GAB3: variants seen among roughly 807,000 people sequenced by gnomAD.
The protein encoded by GAB3 is GRB2 associated binding protein 3.
In GAB3, 12 loss-of-function variants were observed where a neutral mutation model predicts 40.4. The ratio of observed to expected loss-of-function variants is 0.30; its 90% confidence interval spans 0.19 to 0.48. The LOEUF is 0.48. Among genes scored for constraint, GAB3 ranks in the 20% least tolerant of loss-of-function variants. The pLI, the probability that GAB3 is intolerant of heterozygous loss-of-function variation, is 0.99. For synonymous variants in GAB3, 154 were observed against 176.7 expected, an observed-to-expected ratio of 0.87 and a Z score of 1.02; for missense variants, 381 against 461.9, an observed-to-expected ratio of 0.82 and a Z score of 1.61.
chrX:154,712,366 C>T lies in GAB3; in HGVS notation c.932G>A (p.Arg311His). The T allele has an allele frequency of 8.3e-7, 1 of 1,210,955 alleles. No homozygotes were observed. Among genetic ancestry groups the T allele is most frequent in the Non-Finnish European group, 1.1e-6 (1 of 894,991 alleles). Residue 311 changes from arginine (R) to histidine (H), a missense_variant, in exon 4 of 10, where the codon CGC (arginine) becomes CAC (histidine). Arg to His is a conservative substitution (Grantham distance 29). Coordinates refer to ENST00000424127, the MANE Select transcript of GAB3 (RefSeq NM_001081573.3). ...LDIMSNTPPPRPPKPSHLSER... is the reference protein window; with the variant it reads ...LDIMSNTPPPHPPKPSHLSER... ...AGACAGATGGCTTGGCTTAGGGGGGCGGGGAGGTGGAGTGTTGGACATAAT... is the reference window on the plus strand; with the variant it reads ...AGACAGATGGCTTGGCTTAGGGGGGTGGGGAGGTGGAGTGTTGGACATAAT...
rs1284865262 is a variant in GAB3, at chrX:154,675,585, C to G, written c.*2593G>C. The G allele has an allele frequency of 1.8e-5, 2 of 112,123 alleles. No individual in the cohort carries two copies. Among genetic ancestry groups the G allele is most frequent in the African/African-American group, 6.5e-5 (2 of 30,867 alleles). 9.2% of individuals were successfully genotyped at this position (112,123 alleles called of 1,213,427 possible). A position where few individuals can be genotyped will look rare whatever the true frequency, so the allele number is the denominator to read the frequency against. ...CTTGCAGGCTTGAGACCCTTGGGTCCCCCGTCCTGCACTGGACGACCCCTG... is the reference window on the plus strand; with the variant it reads ...CTTGCAGGCTTGAGACCCTTGGGTCGCCCGTCCTGCACTGGACGACCCCTG... On this transcript the variant is annotated 3_prime_UTR_variant, in exon 10 of 10. Transcript: ENST00000424127.
chrX:154,679,862 A>T (rs17281342), intron 9 of GAB3, among the ~76,000 whole-genome samples: 5,879 of 111,452 alleles, frequency 0.053, 159 homozygotes, highest in Non-Finnish European at 0.083. Flanking sequence ...TCTGCCTGAG[A>T]TATTTTTCTA....
At chrX:154,717,339 A>T (rs781835853) in intron 1 of GAB3, among the ~76,000 whole-genome samples, 1 of 110,882 alleles carries the variant, frequency 9.0e-6, no homozygotes, top group African/African-American at 3.3e-5. Flanking sequence ...GAGCATCTGA[A>T]AATATGTGGG....
intron 4 of GAB3, among the ~76,000 whole-genome samples, chrX:154,704,375 T>C (rs781981914): frequency 9.0e-6 from 1 of 111,506 alleles, no homozygotes; most frequent in South Asian, 3.7e-4. Context: ...AATAACTTAA[T>C]TGTACATTTT....
At chrX:154,707,871 A>G (rs2070836223) in intron 4 of GAB3, among the ~76,000 whole-genome samples, 1 of 112,630 alleles carries the variant, frequency 8.9e-6, no homozygotes, top group Admixed American at 9.4e-5. Context: ...TTAAGTTTTC[A>G]TACAACAGCA....
intron 1 of GAB3, among the ~76,000 whole-genome samples, chrX:154,731,915 A>G (rs1382381460): frequency 8.9e-6 from 1 of 112,534 alleles, no homozygotes; most frequent in African/African-American, 3.2e-5. Flanking sequence ...GGCATTCTAT[A>G]CATATGCAGA....
At chrX:154,730,535 C>T (rs959249790) in intron 1 of GAB3, among the ~76,000 whole-genome samples, 1 of 112,096 alleles carries the variant, frequency 8.9e-6, no homozygotes, top group Admixed American at 9.4e-5. Context: ...GCTGATCTCC[C>T]GTTCTCTGCC....
intron 4 of GAB3, among the ~76,000 whole-genome samples, chrX:154,711,758 G>A (rs1039445686): frequency 7.1e-5 from 8 of 112,120 alleles, no homozygotes; most frequent in Non-Finnish European, 1.5e-4. Flanking sequence ...TAAGACAAAA[G>A]ACATCAACTT....
rs927522273 is a variant in GAB3, at chrX:154,701,045, A to G, written c.1070-986T>C. On this transcript the variant is annotated intron_variant, in intron 4 of 9. Coordinates refer to ENST00000424127, the MANE Select transcript of GAB3 (RefSeq NM_001081573.3). The stretch of plus-strand genomic sequence containing the variant: ...TACATATGTTTAAAGATGTACAAGT[A>G]CTGGTTAAAAACTACTCTGAAGTCA... Among the ~76,000 whole-genome samples, 3 of 111,736 alleles carry G rather than the reference A, an allele frequency of 2.7e-5. No individual in the cohort carries two copies. The East Asian group carries it at 8.4e-4, about 31-fold the overall frequency.
intron 4 of GAB3, among the ~76,000 whole-genome samples, chrX:154,711,196 G>C (rs936075831): frequency 1.8e-5 from 2 of 111,884 alleles, no homozygotes; most frequent in Non-Finnish European, 3.8e-5. Flanking sequence ...GCCTAAATAA[G>C]TAGTGATGTG....
chrX:154,735,163 C>T (rs1603427676), intron 1 of GAB3, among the ~76,000 whole-genome samples: 1 of 111,925 alleles, frequency 8.9e-6, no homozygotes, highest in African/African-American at 3.3e-5. Flanking sequence ...CAAACATGTG[C>T]AATGTATCTT....
intron 4 of GAB3, among the ~76,000 whole-genome samples, chrX:154,702,748 G>A (rs1182648081): frequency 8.9e-6 from 1 of 112,079 alleles, no homozygotes; most frequent in Non-Finnish European, 1.9e-5. Flanking sequence ...ATTAAAAGAT[G>A]GAACAAAGAT....
intron 1 of GAB3, among the ~76,000 whole-genome samples, chrX:154,745,490 G>T (rs1557261913): frequency 9.0e-6 from 1 of 111,729 alleles, no homozygotes; most frequent in Non-Finnish European, 1.9e-5. Flanking sequence ...ATAAAGATAA[G>T]AGGATAAATT....
intron 4 of GAB3, among the ~76,000 whole-genome samples, chrX:154,709,988 T>C (rs782585035): frequency 8.9e-6 from 1 of 112,173 alleles, no homozygotes; most frequent in Non-Finnish European, 1.9e-5. Context: ...CTTTCAGTGA[T>C]AAGTGAACAA....
At position 154,680,205 on chromosome X, in the gene GAB3, G is replaced by A. The variant is rs781898962; in HGVS notation, c.1574C>T (p.Thr525Met). ...ATCTAGGCTGAATTTCTTTGTCCAC[G>A]TAAGGGCACCACTGCTCAGGGAACT... ...TASSLSSGALTWTKKFSLDYL... is the reference protein window; with the variant it reads ...TASSLSSGALMWTKKFSLDYL... Residue 525 changes from threonine to methionine, a missense_variant, in exon 9 of 10, where the codon ACG (threonine) becomes ATG (methionine). Thr to Met is a moderately conservative substitution (Grantham distance 81). Coordinates refer to ENST00000424127, the MANE Select transcript of GAB3 (RefSeq NM_001081573.3). 41 of 1,206,916 alleles carry A rather than the reference G, an allele frequency of 3.4e-5. No homozygotes were observed. The highest frequency in any genetic ancestry group is 2.1e-4 in the South Asian group (12 of 56,487).
chrX:154,694,025 C>A (rs1478722872), intron 8 of GAB3, among the ~76,000 whole-genome samples: 1 of 110,598 alleles, frequency 9.0e-6, no homozygotes, highest in Non-Finnish European at 1.9e-5. Flanking sequence ...TCAGAACTTG[C>A]CCTTAAAGAG....
intron 1 of GAB3, among the ~76,000 whole-genome samples, chrX:154,728,937 T>C (rs1182083411): frequency 8.9e-6 from 1 of 111,992 alleles, no homozygotes; most frequent in Non-Finnish European, 1.9e-5. Flanking sequence ...GGTACATGAC[T>C]CTACACAGGT....
chrX:154,686,025 C>A (rs1453073819), intron 8 of GAB3, among the ~76,000 whole-genome samples: 1 of 111,257 alleles, frequency 9.0e-6, no homozygotes, highest in African/African-American at 3.3e-5. Context: ...TGAATTCACC[C>A]AGAGGGTTTC....
chrX:154,710,731 G>GCACCA (rs1557255638), intron 4 of GAB3, among the ~76,000 whole-genome samples: 1 of 111,874 alleles, frequency 8.9e-6, no homozygotes, highest in African/African-American at 3.2e-5. Context: ...ACTGTTGTTT[G>GCACCA]GTCTTTGTTT....
Sources: allele counts gnomAD v4.1 joint callset (sites outside exome capture counted in the v4.1 genomes callset), GRCh38; gene constraint gnomAD v4.1.1; transcripts MANE v1.5; gene names NCBI Gene and HGNC (gene_info 2026-07-23, HGNC 2026-07-21).